Variants in RSRC1 observed in about 807,000 individuals in gnomAD.
RSRC1 encodes the protein serine/Arginine-related protein 53.
RSRC1 carries 39 observed loss-of-function variants against 49.1 expected under a neutral mutation model. That is an observed-to-expected ratio of 0.79 (90% CI 0.61 to 1.04). The LOEUF (loss-of-function observed/expected upper bound fraction) is 1.04. Among genes scored for constraint, RSRC1 ranks in the 50% least tolerant of loss-of-function variants. The pLI, the probability that RSRC1 is intolerant of heterozygous loss-of-function variation, is 0.00. For synonymous variants in RSRC1, 143 were observed against 130.8 expected (o/e 1.09, Z -0.63); for missense variants, 388 against 402.4 (o/e 0.96, Z 0.31).
intron 4 of RSRC1, among the ~76,000 whole-genome samples, chr3:158,269,916 T>C (rs1448163390): frequency 2.6e-5 from 4 of 152,222 alleles, no homozygotes; most frequent in Non-Finnish European, 4.4e-5. Flanking sequence ...TGGCTTCTAA[T>C]GTAATTTATG....
chr3:158,157,582 C>T (rs985251933), intron 3 of RSRC1, among the ~76,000 whole-genome samples: 10 of 152,054 alleles, frequency 6.6e-5, no homozygotes, highest in East Asian at 1.9e-4. Context: ...TCAGAGACCC[C>T]GAGGTTCTGG....
At chr3:158,134,309 A>G (rs886983472) in intron 3 of RSRC1, among the ~76,000 whole-genome samples, 1 of 152,180 alleles carries the variant, frequency 6.6e-6, no homozygotes, top group Admixed American at 6.5e-5. Context: ...TATACCGTGT[A>G]TTTATAAGCA....
Position 158,175,882 on chromosome 3 carries a change from C to G in RSRC1, c.321-27190C>G, listed in dbSNP as rs186234296. Among the ~76,000 whole-genome samples, 7 of 151,982 alleles carry G rather than the reference C, an allele frequency of 4.6e-5. No homozygotes were observed. The East Asian group carries it at 1.4e-3, about 29-fold the overall frequency. On this transcript the variant is annotated intron_variant, in intron 3 of 9. Coordinates refer to ENST00000611884, the MANE Select transcript of RSRC1 (RefSeq NM_001271838.2). Reference sequence around the variant, plus strand: ...TAATTTGATCTTCAGTCACTGATACCCTTCACTGATACCCTTTCTTCCACT... The same window carrying G: ...TAATTTGATCTTCAGTCACTGATACGCTTCACTGATACCCTTTCTTCCACT...
chr3:158,505,174 G>GT (rs1156528371), intron 7 of RSRC1, among the ~76,000 whole-genome samples: 2 of 152,200 alleles, frequency 1.3e-5, no homozygotes, highest in African/African-American at 4.8e-5. Flanking sequence ...GTCACTGCCA[G>GT]TTTTTTTATA....
chr3:158,519,412 C>T (rs1711539393), intron 7 of RSRC1, among the ~76,000 whole-genome samples: 1 of 151,744 alleles, frequency 6.6e-6, no homozygotes, highest in African/African-American at 2.4e-5. Context: ...CTAGTTCAGA[C>T]TGAGTGCTCT....
intron 4 of RSRC1, among the ~76,000 whole-genome samples, chr3:158,288,398 A>C (rs766280404): frequency 2.0e-5 from 3 of 152,202 alleles, no homozygotes; most frequent in Non-Finnish European, 4.4e-5. Flanking sequence ...AATAGCTTGC[A>C]TCTCACCTGC....
chr3:158,229,756 G>T (rs985347599), intron 4 of RSRC1, among the ~76,000 whole-genome samples: 3 of 131,990 alleles, frequency 2.3e-5, no homozygotes, highest in African/African-American at 8.7e-5. Flanking sequence ...TGCCCCATTT[G>T]CTTTATCAAA....
At chr3:158,332,617 ATTTTCCTTATCTTT>A (rs1290258963) in intron 5 of RSRC1, among the ~76,000 whole-genome samples, 1 of 151,976 alleles carries the variant, frequency 6.6e-6, no homozygotes, top group Non-Finnish European at 1.5e-5. Flanking sequence ...TTAATTTACT[ATTTTCCTTATCTTT>A]TAAAGATTTT....
chr3:158,511,193 T>G (rs1465849608), intron 7 of RSRC1, among the ~76,000 whole-genome samples: 2 of 152,100 alleles, frequency 1.3e-5, no homozygotes, highest in African/African-American at 4.8e-5. Context: ...GCCATGCTGG[T>G]GCACTGCACC....
intron 5 of RSRC1, among the ~76,000 whole-genome samples, chr3:158,309,046 A>G (rs1327505304): frequency 6.6e-6 from 1 of 151,928 alleles, no homozygotes; most frequent in Non-Finnish European, 1.5e-5. Context: ...CAAAATATGT[A>G]ATGAAATCTG....
chr3:158,290,933 C>T (rs1343753752), intron 4 of RSRC1, among the ~76,000 whole-genome samples: 3 of 152,146 alleles, frequency 2.0e-5, no homozygotes, highest in Admixed American at 6.5e-5. Context: ...GTGGCTCACA[C>T]CTGTAATTCC....
intron 6 of RSRC1, among the ~76,000 whole-genome samples, chr3:158,428,071 A>G (rs1478001595): frequency 1.3e-5 from 2 of 151,808 alleles, no homozygotes; most frequent in Non-Finnish European, 2.9e-5. Flanking sequence ...CCCATTTGGA[A>G]CATTATATTT....
At chr3:158,383,851 T>A (rs1732833573) in intron 6 of RSRC1, among the ~76,000 whole-genome samples, 1 of 152,050 alleles carries the variant, frequency 6.6e-6, no homozygotes, top group Non-Finnish European at 1.5e-5. Context: ...GCTCTGAGAG[T>A]CAAATCATGA....
intron 4 of RSRC1, among the ~76,000 whole-genome samples, chr3:158,262,020 T>A (rs1334868030): frequency 6.6e-6 from 1 of 152,196 alleles, no homozygotes; most frequent in African/African-American, 2.4e-5. Flanking sequence ...GGAAAAATCG[T>A]CTTTCATGAA....
intron 7 of RSRC1, among the ~76,000 whole-genome samples, chr3:158,493,531 G>T (rs1169057890): frequency 6.6e-6 from 1 of 151,994 alleles, no homozygotes; most frequent in Non-Finnish European, 1.5e-5. Context: ...TAGATTTTTT[G>T]ATGTACTGTT....
chr3:158,199,081 C>T (rs576199362), intron 3 of RSRC1, among the ~76,000 whole-genome samples: 19 of 152,222 alleles, frequency 1.2e-4, no homozygotes, highest in East Asian at 9.7e-4. Flanking sequence ...GTCTTTCTCA[C>T]GCTATTCTCA....
chr3:158,147,102 C>CTTTTT lies in RSRC1; in HGVS notation c.320+23134_320+23138dup, dbSNP rs35460810. Among the ~76,000 whole-genome samples the CTTTTT allele has an allele frequency of 1.4e-3, 50 of 34,734 alleles. 2 individuals are homozygous for CTTTTT. Among genetic ancestry groups the CTTTTT allele is most frequent in the African/African-American group, 3.3e-3 (22 of 6,614 alleles). The allele number at this position is 34,734 out of a possible 152,430, so 22.8% of individuals were successfully genotyped here. On this transcript the variant is annotated intron_variant, in intron 3 of 9. Transcript: ENST00000611884. ...CCTTTTCTTTCTTCTGCTTTTCTGC[C>CTTTTT]TTTTTTTTTTTTTTTTTTTTTTTTT...
At chr3:158,183,956 A>G (rs777905307) in intron 3 of RSRC1, among the ~76,000 whole-genome samples, 3 of 152,090 alleles carry the variant, frequency 2.0e-5, no homozygotes, top group Non-Finnish European at 4.4e-5. Context: ...ATAAAAATCC[A>G]TACATGCTAG....
At chr3:158,471,159 T>C (rs1341116739) in intron 7 of RSRC1, among the ~76,000 whole-genome samples, 1 of 152,210 alleles carries the variant, frequency 6.6e-6, no homozygotes, top group Admixed American at 6.5e-5. Flanking sequence ...AAGGGCTCTT[T>C]TTGTACTTTC....
Sources: gnomAD v4.1 joint callset for allele counts (sites outside exome capture counted in the v4.1 genomes callset) on GRCh38, gnomAD v4.1.1 for gene constraint, MANE v1.5 for transcripts, NCBI Gene and HGNC (gene_info 2026-07-23, HGNC 2026-07-21) for gene names.